Variants in CYLC2 observed in about 807,000 individuals in gnomAD.
CYLC2 encodes the protein cylicin-2.
CYLC2 carries 30 observed loss-of-function variants against 26.1 expected under a neutral mutation model. That is an observed-to-expected ratio of 1.15 (90% confidence interval 0.86 to 1.56). The LOEUF is 1.56. CYLC2 is among the 40% of genes most tolerant of loss of function. CYLC2 has a pLI of 0.00. For synonymous variants in CYLC2, 158 were observed against 132.8 expected, an observed-to-expected ratio of 1.19 and a Z score of -1.31; for missense variants, 498 against 394.4, an observed-to-expected ratio of 1.26 and a Z score of -2.23.
chr9:103,009,999 A>G (rs1477694505), intron 5 of CYLC2, among the ~76,000 whole-genome samples: 1 of 151,566 alleles, frequency 6.6e-6, no homozygotes, highest in Non-Finnish European at 1.5e-5. Context: ...GTATGTGTAT[A>G]TATATATATA....
intron 6 of CYLC2, among the ~76,000 whole-genome samples, chr9:103,013,690 T>C (rs1343244020): frequency 1.8e-5 from 2 of 110,682 alleles, no homozygotes; most frequent in South Asian, 5.8e-4. Flanking sequence ...TGATATATAA[T>C]ATATCCTGTA....
At chr9:103,014,214 CATATATA>C (rs535466068) in intron 6 of CYLC2, among the ~76,000 whole-genome samples, 2,486 of 118,394 alleles carry the variant, frequency 0.021, 114 homozygotes, top group African/African-American at 0.079. Context: ...TTATATATCT[CATATATA>C]ATATATAATA....
intron 1 of CYLC2, among the ~76,000 whole-genome samples, chr9:102,999,751 C>T (rs1188599015): frequency 6.6e-6 from 1 of 151,734 alleles, no homozygotes; most frequent in African/African-American, 2.4e-5. Context: ...TTTATTTTGT[C>T]AATTGGAATG....
chr9:103,014,711 C>T (rs1829473941), intron 6 of CYLC2, among the ~76,000 whole-genome samples: 1 of 115,432 alleles, frequency 8.7e-6, no homozygotes, highest in Non-Finnish European at 1.7e-5. Context: ...GTATATTATG[C>T]AATATACATA....
intron 6 of CYLC2, among the ~76,000 whole-genome samples, chr9:103,016,080 G>C (rs1829501920): frequency 6.6e-6 from 1 of 151,366 alleles, no homozygotes; most frequent in Non-Finnish European, 1.5e-5. Context: ...GATTTAGATA[G>C]ATAATTGATA....
At chr9:103,015,330 ATATAT>A (rs1468223748) in intron 6 of CYLC2, among the ~76,000 whole-genome samples, 3 of 131,090 alleles carry the variant, frequency 2.3e-5, no homozygotes, top group East Asian at 2.1e-4. Context: ...AACATATACA[ATATAT>A]TATGTTATAT....
At chr9:103,018,143 G>A (rs1399597438) in intron 7 of CYLC2, among the ~76,000 whole-genome samples, 182 bp from the exon 8 acceptor site, 2 of 152,038 alleles carry the variant, frequency 1.3e-5, no homozygotes, top group East Asian at 1.9e-4. Flanking sequence ...CTTCAGTTGA[G>A]GAATTTGTAC....
At position 103,005,955 on chromosome 9, in the gene CYLC2, T is replaced by C. The variant is rs1372174802; in HGVS notation, c.*277T>C. The stretch of plus-strand genomic sequence containing the variant: ...TATGAAGGATTCAATGAATGATCTC[T>C]AGAAAGATTTAAAGAAGAATATTCA... On this transcript the variant is annotated 3_prime_UTR_variant, in exon 5 of 8. Coordinates refer to ENST00000374798, the MANE Select transcript of CYLC2 (RefSeq NM_001340.5). 2 of 342,442 alleles carry C rather than the reference T, an allele frequency of 5.8e-6. No homozygotes were observed. Among genetic ancestry groups the C allele is most frequent in the Non-Finnish European group, 1.0e-5 (2 of 191,878 alleles). 21.2% of individuals were successfully genotyped at this position (342,442 alleles called of 1,614,324 possible).
rs879862455 is a variant in CYLC2, at chr9:103,003,355, T to C, written c.180+92T>C. The C allele has an allele frequency of 7.0e-6, 8 of 1,145,148 alleles. No homozygotes were observed. The Admixed American group carries it at 7.2e-5, about 10-fold the overall frequency. 70.9% of individuals were successfully genotyped at this position (1,145,148 alleles called of 1,614,324 possible). A position where few individuals can be genotyped will look rare whatever the true frequency, so the allele number is the denominator to read the frequency against. ...ATAAGTAATTATAATTAGTCTTAAG[T>C]AATCACTAAGTAGTAAGCTTGTGAA... On this transcript the variant is annotated intron_variant, in intron 3 of 7. Transcript: ENST00000374798.
At chr9:102,998,322 GAAA>G (rs1006879160) in intron 1 of CYLC2, among the ~76,000 whole-genome samples, 62 of 151,802 alleles carry the variant, frequency 4.1e-4, no homozygotes, top group African/African-American at 1.5e-3. Context: ...TTAAAATTGT[GAAA>G]ATACATTTAC....
At chr9:103,014,120 ATAT>A (rs1313372229) in intron 6 of CYLC2, among the ~76,000 whole-genome samples, 5 of 120,904 alleles carry the variant, frequency 4.1e-5, no homozygotes, top group African/African-American at 1.3e-4. Flanking sequence ...AATATATTTT[ATAT>A]TATATTATAA....
At chr9:103,001,185 A>G (rs954563767) in intron 1 of CYLC2, among the ~76,000 whole-genome samples, 2 of 151,826 alleles carry the variant, frequency 1.3e-5, no homozygotes, top group Admixed American at 6.5e-5. Flanking sequence ...TTCAAATTCA[A>G]TTAAGAGAGA....
chr9:103,013,329 AT>A (rs1478919145), intron 6 of CYLC2, among the ~76,000 whole-genome samples: 2 of 70,574 alleles, frequency 2.8e-5, no homozygotes, highest in African/African-American at 1.1e-4. Flanking sequence ...ACCTATATAT[AT>A]TTAATATATT....
chr9:103,016,542 G>A (rs534954306), intron 6 of CYLC2, among the ~76,000 whole-genome samples: 119 of 152,040 alleles, frequency 7.8e-4, no homozygotes, highest in African/African-American at 2.7e-3. Context: ...TACTACTAGG[G>A]CATTTTATAT....
At position 103,014,238 on chromosome 9, in the gene CYLC2, T is replaced by C. The variant is rs1829460294; in HGVS notation, c.*816+2141T>C. Among the ~76,000 whole-genome samples, 4 of 126,724 alleles carry C rather than the reference T, an allele frequency of 3.2e-5. No homozygotes were observed. In the South Asian group the frequency reaches 9.5e-4, roughly 30 times the overall value. 83.1% of individuals were successfully genotyped at this position (126,724 alleles called of 152,430 possible). A position where few individuals can be genotyped will look rare whatever the true frequency, so the allele number is the denominator to read the frequency against. ...TCATATATAATATATAATATATATG[T>C]ATGTAATATATATCACATAATATAT... On this transcript the variant is annotated intron_variant, in intron 6 of 7. Coordinates refer to ENST00000374798, the MANE Select transcript of CYLC2 (RefSeq NM_001340.5).
chr9:103,013,568 T>C (rs1829442925), intron 6 of CYLC2, among the ~76,000 whole-genome samples: 1 of 112,926 alleles, frequency 8.9e-6, no homozygotes, highest in African/African-American at 3.6e-5. Flanking sequence ...TATGTATATC[T>C]TACATATGTA....
At chr9:102,995,506 C>A in intron 1 of CYLC2, 109 bp downstream of exon 1, 1 of 840,766 alleles carries the variant, frequency 1.2e-6, no homozygotes, top group Non-Finnish European at 2.0e-6. Context: ...CATTCATAAG[C>A]AAAAGATAAT....
At chr9:103,013,156 T>TATATATTACATAAATATATATTTA (rs1829428321) in intron 6 of CYLC2, among the ~76,000 whole-genome samples, 5 of 111,244 alleles carry the variant, frequency 4.5e-5, no homozygotes, top group African/African-American at 1.7e-4. Context: ...CATATATAAA[T>TATATATTACATAAATATATATTTA]ATATATTATA....
chr9:103,013,879 A>T (rs1481455848), intron 6 of CYLC2, among the ~76,000 whole-genome samples: 1 of 113,732 alleles, frequency 8.8e-6, no homozygotes, highest in Admixed American at 1.1e-4. Flanking sequence ...TATTATACAT[A>T]TAATAAATAA....
Sources: gnomAD v4.1 joint callset for allele counts (sites outside exome capture counted in the v4.1 genomes callset) on GRCh38, gnomAD v4.1.1 for gene constraint, MANE v1.5 for transcripts, NCBI Gene and HGNC (gene_info 2026-07-23, HGNC 2026-07-21) for gene names.